AFF2: variants seen among roughly 807,000 people sequenced by gnomAD.
AFF2 encodes the protein ALF transcription elongation factor 2.
In AFF2, 14 loss-of-function variants were observed where a neutral mutation model predicts 76.9. The observed-to-expected ratio is 0.18, with a 90% confidence interval of 0.12 to 0.28. AFF2 has a LOEUF of 0.28. Ranked by LOEUF, AFF2 falls within the 10% of genes least tolerant of loss-of-function variation. The pLI is 1.00. For missense variants in AFF2, 868 were observed against 1,001.1 expected, an observed-to-expected ratio of 0.87 and a Z score of 1.79; for synonymous variants, 398 against 366.7, an observed-to-expected ratio of 1.09 and a Z score of -0.98.
rs1267289259 is a variant in AFF2, at chrX:148,998,560, G to A, written c.*7228G>A. On this transcript the variant is annotated 3_prime_UTR_variant, in exon 21 of 21. Transcript: ENST00000370460. ...TTTGTGGAGCAGTGTTTTGACCTTT[G>A]ATACATAATTCTGGAGCAAGTGGAG... 9.0e-6 allele frequency: 1 copy of A among 111,536 alleles called. No homozygotes were observed. The highest frequency in any genetic ancestry group is 3.3e-5 in the African/African-American group (1 of 30,547). 9.2% of individuals were successfully genotyped at this position (111,536 alleles called of 1,213,427 possible). A position where few individuals can be genotyped will look rare whatever the true frequency, so the allele number is the denominator to read the frequency against.
intron 3 of AFF2, among the ~76,000 whole-genome samples, chrX:148,710,104 A>G (rs919393876): frequency 1.5e-4 from 17 of 112,155 alleles, no homozygotes; most frequent in African/African-American, 5.2e-4. Flanking sequence ...CCTGTTAAAT[A>G]AAGTAAATTG....
At chrX:148,904,415 A>G (rs977137577) in intron 9 of AFF2, 157 bp downstream of exon 9, 3 of 404,514 alleles carry the variant, frequency 7.4e-6, no homozygotes, top group African/African-American at 5.1e-5. Flanking sequence ...TCCTCCAATG[A>G]GCAGGGACCA....
At chrX:148,638,017 G>A (rs1190664409) in intron 1 of AFF2, among the ~76,000 whole-genome samples, 1 of 110,486 alleles carries the variant, frequency 9.1e-6, no homozygotes, top group Non-Finnish European at 1.9e-5. Flanking sequence ...CACTCTCGGA[G>A]GTCTTTCCAC....
chrX:148,801,364 G>A (rs782666305), intron 3 of AFF2, among the ~76,000 whole-genome samples: 24 of 111,511 alleles, frequency 2.2e-4, no homozygotes, highest in Non-Finnish European at 4.5e-4. Flanking sequence ...TTCTGTTTTC[G>A]AAGACAACTA....
chrX:148,832,360 A>C (rs1473780104), intron 4 of AFF2, among the ~76,000 whole-genome samples: 1 of 112,378 alleles, frequency 8.9e-6, no homozygotes, highest in African/African-American at 3.2e-5. Flanking sequence ...CTATTCAACC[A>C]TATTTTTATT....
At chrX:148,523,849 A>G (rs1338747442) in intron 1 of AFF2, among the ~76,000 whole-genome samples, 2 of 111,977 alleles carry the variant, frequency 1.8e-5, no homozygotes, top group Non-Finnish European at 3.8e-5. Flanking sequence ...AAGGAATGAC[A>G]TACTCTTTAG....
At chrX:148,545,001 A>T (rs782206959) in intron 1 of AFF2, among the ~76,000 whole-genome samples, 31 of 112,261 alleles carry the variant, frequency 2.8e-4, no homozygotes, top group African/African-American at 9.4e-4. Context: ...TCTGTGAAGA[A>T]TCCCTTCTTC....
chrX:148,634,725 G>A (rs941756387), intron 1 of AFF2, among the ~76,000 whole-genome samples: 1 of 111,430 alleles, frequency 9.0e-6, no homozygotes, highest in African/African-American at 3.3e-5. Context: ...TTATTTGAGG[G>A]TCACAGCAAT....
At chrX:148,951,609 G>A (rs1310938132) in intron 9 of AFF2, among the ~76,000 whole-genome samples, 1 of 111,727 alleles carries the variant, frequency 9.0e-6, no homozygotes, top group Non-Finnish European at 1.9e-5. Context: ...ACTTCACTTG[G>A]GAGGAATTGA....
At chrX:148,618,010 C>T (rs1557250721) in intron 1 of AFF2, among the ~76,000 whole-genome samples, 1 of 111,567 alleles carries the variant, frequency 9.0e-6, no homozygotes, top group Non-Finnish European at 1.9e-5. Context: ...TTCTCTTTCT[C>T]TCTCTCTGAG....
intron 1 of AFF2, among the ~76,000 whole-genome samples, chrX:148,595,173 C>T (rs1557247143): frequency 1.8e-5 from 2 of 112,253 alleles, no homozygotes; most frequent in Non-Finnish European, 3.8e-5. Flanking sequence ...AGGAAAATAA[C>T]TTCCACCTTA....
chrX:148,590,252 A>T (rs2053510804), intron 1 of AFF2, among the ~76,000 whole-genome samples: 1 of 109,611 alleles, frequency 9.1e-6, no homozygotes, highest in Non-Finnish European at 1.9e-5. Context: ...AAATATGAAA[A>T]TCCATCAATA....
At position 148,993,471 on chromosome X, in the gene AFF2, C is replaced by T. The variant is rs2072556886; in HGVS notation, c.*2139C>T. On this transcript the variant is annotated 3_prime_UTR_variant, in exon 21 of 21. Transcript: ENST00000370460. ...GCCTGGCTATTACTATATAATGAAG[C>T]CCACTGGCTTGACTTGTAAGTTCAA... The T allele has an allele frequency of 8.9e-6, 1 of 111,937 alleles. No individual in the cohort carries two copies. The allele number at this position is 111,937 out of a possible 1,213,427, so 9.2% of individuals were successfully genotyped here.
intron 9 of AFF2, among the ~76,000 whole-genome samples, chrX:148,929,865 G>A (rs782356435): frequency 6.7e-4 from 75 of 111,833 alleles, no homozygotes; most frequent in Non-Finnish European, 1.2e-3. Context: ...CATGGAAGTC[G>A]GTGGGCATCC....
intron 3 of AFF2, among the ~76,000 whole-genome samples, chrX:148,677,643 G>A (rs2054500244): frequency 8.9e-6 from 1 of 112,441 alleles, no homozygotes; most frequent in Non-Finnish European, 1.9e-5. Flanking sequence ...AATTTATCTT[G>A]TACTGATAGC....
intron 1 of AFF2, among the ~76,000 whole-genome samples, chrX:148,617,330 A>G (rs1557250614): frequency 8.9e-6 from 1 of 112,145 alleles, no homozygotes; most frequent in African/African-American, 3.2e-5. Flanking sequence ...GCCAGTGATG[A>G]TGAGCATTTT....
At chrX:148,730,666 G>C (rs895575730) in intron 3 of AFF2, among the ~76,000 whole-genome samples, 1 of 112,693 alleles carries the variant, frequency 8.9e-6, no homozygotes, top group Non-Finnish European at 1.9e-5. Context: ...GGGCTTGGTT[G>C]GCCAGTATTA....
intron 1 of AFF2, among the ~76,000 whole-genome samples, chrX:148,515,562 T>C (rs1296797194): frequency 2.7e-5 from 3 of 111,913 alleles, no homozygotes; most frequent in Non-Finnish European, 5.6e-5. Flanking sequence ...AGATACATTT[T>C]TTTTCATAAT....
chrX:148,888,018 A>C (rs1176835951), intron 8 of AFF2, among the ~76,000 whole-genome samples: 2 of 111,989 alleles, frequency 1.8e-5, no homozygotes, highest in African/African-American at 6.5e-5. Context: ...GGTTGAAATA[A>C]TTTTCTTTTT....
Sources: allele counts gnomAD v4.1 joint callset (sites outside exome capture counted in the v4.1 genomes callset), GRCh38; gene constraint gnomAD v4.1.1; transcripts MANE v1.5; gene names NCBI Gene and HGNC (gene_info 2026-07-23, HGNC 2026-07-21).